ANKRD12: variants seen among roughly 807,000 people sequenced by gnomAD.
ANKRD12 encodes the protein ankyrin repeat domain 12, also known as ankyrin repeat domain-containing protein 12.
Under a neutral mutation model 183.4 loss-of-function variants are expected in ANKRD12, and 85 were observed. That is an observed-to-expected ratio of 0.46 (90% confidence interval 0.39 to 0.56). ANKRD12 has a LOEUF of 0.56. ANKRD12 is among the 20% of genes least tolerant of loss of function. ANKRD12 has a pLI of 0.00. For synonymous variants in ANKRD12, 914 were observed against 800.2 expected (o/e 1.14, Z -2.40); for missense variants, 2,405 against 2,357.1 (o/e 1.02, Z -0.42).
chr18:9,207,716 C>T (rs2144590646), intron 4 of ANKRD12, among the ~76,000 whole-genome samples: 1 of 151,898 alleles, frequency 6.6e-6, no homozygotes, highest in East Asian at 1.9e-4. Flanking sequence ...TTTATTTTTG[C>T]AGCTCCTCTT....
At position 9,256,945 on chromosome 18, in the gene ANKRD12, A is replaced by C; in HGVS notation, c.3678A>C (p.Pro1226=). The change falls in exon 9 of 13, where the codon CCA becomes CCC. Residue 1226 remains proline, a synonymous_variant. Transcript: ENST00000262126. ...CHTTVTTPRP[P]VEYDSDFMLE... ...CTACAGTGACAACCCCAAGGCCTCC[A>C]GTTGAGTATGACTCTGACTTTATGT... The C allele has an allele frequency of 1.2e-6, 2 of 1,614,118 alleles. No individual in the cohort carries two copies. The highest frequency in any genetic ancestry group is 1.7e-6 in the Non-Finnish European group (2 of 1,180,000).
At chr18:9,153,198 T>C (rs1382631282) in intron 1 of ANKRD12, among the ~76,000 whole-genome samples, 1 of 152,250 alleles carries the variant, frequency 6.6e-6, no homozygotes, top group African/African-American at 2.4e-5. Context: ...GGTATTTACA[T>C]GTCCTTCTAA....
chr18:9,199,319 T>G lies in ANKRD12; in HGVS notation c.235+3621T>G, dbSNP rs376503198. On this transcript the variant is annotated intron_variant, in intron 3 of 12. Transcript: ENST00000262126. ...GATCATGATATTGGAAGTAAAAAAT[T>G]AGATTATGAAACAGTATGTGCTATT... Among the ~76,000 whole-genome samples, 22 of 152,254 alleles carry G rather than the reference T, an allele frequency of 1.4e-4. No homozygotes were observed. The South Asian group carries it at 3.9e-3, about 27-fold the overall frequency.
rs1341154645 is a variant in ANKRD12 at position 9,255,911 on chromosome 18, C to T, written c.2644C>T (p.His882Tyr). Residue 882 changes from histidine (H) to tyrosine (Y), a missense_variant, in exon 9 of 13, where the codon CAT (histidine) becomes TAT (tyrosine). His to Tyr is a moderately conservative substitution (Grantham distance 83). Transcript: ENST00000262126. ...KLYSHHTEKC[H>Y]KEGEKSKNTA... The stretch of plus-strand genomic sequence containing the variant: ...ATATTCGCATCACACAGAAAAATGC[C>T]ATAAAGAAGGTGAGAAGAGCAAAAA... The T allele has an allele frequency of 6.3e-7, 1 of 1,589,578 alleles. No individual in the cohort carries two copies. Among genetic ancestry groups the T allele is most frequent in the Non-Finnish European group, 8.5e-7 (1 of 1,172,778 alleles).
intron 8 of ANKRD12, among the ~76,000 whole-genome samples, chr18:9,231,724 C>G (rs2037060698): frequency 6.8e-6 from 1 of 147,764 alleles, no homozygotes; most frequent in Non-Finnish European, 1.5e-5. Context: ...ACTCGGGAGG[C>G]TGAGGCAGGA....
Position 9,154,618 on chromosome 18 carries a change from G to A in ANKRD12, c.-52+17653G>A, listed in dbSNP as rs149449035. ...TGTAGAAGATGGGGGTGTGTATAAGGTGGAGGTGGTGACAAGAATGTAAGC... is the reference window on the plus strand; with the variant it reads ...TGTAGAAGATGGGGGTGTGTATAAGATGGAGGTGGTGACAAGAATGTAAGC... On this transcript the variant is annotated intron_variant, in intron 1 of 12. Coordinates refer to ENST00000262126, the MANE Select transcript of ANKRD12 (RefSeq NM_015208.5). Among the ~76,000 whole-genome samples, 337 of 152,308 alleles carry A rather than the reference G, an allele frequency of 2.2e-3. 2 individuals carry two copies. In the Middle Eastern group the frequency reaches 0.024, roughly 11 times the overall value.
At chr18:9,260,161 C>G (rs1458202233) in intron 9 of ANKRD12, 1 of 152,134 alleles carries the variant, frequency 6.6e-6, no homozygotes, top group Non-Finnish European at 1.5e-5. Context: ...ATGGCTTTAT[C>G]CATTTGTTTC....
Position 9,221,985 on chromosome 18 carries a change from A to G in ANKRD12, c.929A>G (p.Asp310Gly). 3 of 1,613,922 alleles carry G rather than the reference A, an allele frequency of 1.9e-6. No individual in the cohort carries two copies. The highest frequency in any genetic ancestry group is 1.7e-5 in the Admixed American group (1 of 60,012). The change falls in exon 8 of 13, where the codon GAT (aspartate) becomes GGT (glycine). Residue 310 changes from aspartate (D) to glycine (G), a missense_variant. Coordinates refer to ENST00000262126, the MANE Select transcript of ANKRD12 (RefSeq NM_015208.5). ...AGAGAGGTGCCTTTATCTGATGATG[A>G]TGAAAGTTACACAGGTTTGTTTCAG... ...LKREVPLSDD[D>G]ESYTDSEEAQ...
chr18:9,196,343 A>G (rs1159339421), intron 3 of ANKRD12, among the ~76,000 whole-genome samples: 1 of 152,058 alleles, frequency 6.6e-6, no homozygotes, highest in Non-Finnish European at 1.5e-5. Flanking sequence ...GATTCTTTTT[A>G]TTGCTATCTA....
At chr18:9,268,696 C>T (rs547272816) in intron 10 of ANKRD12, among the ~76,000 whole-genome samples, 44 of 152,304 alleles carry the variant, frequency 2.9e-4, no homozygotes, top group Admixed American at 7.2e-4. Context: ...GAAGCATTCC[C>T]TTTGAAAACT....
At chr18:9,231,224 G>A (rs1198560959) in intron 8 of ANKRD12, among the ~76,000 whole-genome samples, 1 of 152,084 alleles carries the variant, frequency 6.6e-6, no homozygotes, top group Non-Finnish European at 1.5e-5. Flanking sequence ...TGTGTATTCT[G>A]CAGTTGTTGG....
chr18:9,158,388 CCTT>C (rs1199680975), intron 1 of ANKRD12, among the ~76,000 whole-genome samples: 1 of 152,154 alleles, frequency 6.6e-6, no homozygotes, highest in African/African-American at 2.4e-5. Flanking sequence ...TATCATGTCT[CCTT>C]AGCCTTCTCT....
chr18:9,258,076 T>C lies in ANKRD12; in HGVS notation c.4809T>C (p.His1603=). The C allele has an allele frequency of 1.9e-6, 3 of 1,613,270 alleles. No individual in the cohort carries two copies. The highest frequency in any genetic ancestry group is 2.5e-6 in the Non-Finnish European group (3 of 1,179,938). Residue 1603 remains histidine, a synonymous_variant, in exon 9 of 13, where the codon CAT becomes CAC. Transcript: ENST00000262126. The stretch of plus-strand genomic sequence containing the variant: ...ATGCCTCTACCCAGCTAAATACACA[T>C]TATGCATTTAGCAAACTAACTTACA... ...GSDASTQLNT[H]YAFSKLTYKS...
intron 11 of ANKRD12, among the ~76,000 whole-genome samples, 161 bp downstream of exon 11, chr18:9,275,828 T>C (rs1478247962): frequency 6.6e-6 from 1 of 152,208 alleles, no homozygotes; most frequent in African/African-American, 2.4e-5. Context: ...GATCAACTGG[T>C]CCTCCATTTT....
In ANKRD12 at chr18:9,261,504, A is replaced by G. The variant is rs542189557; in HGVS notation, c.5665-2286A>G. On this transcript the variant is annotated intron_variant, in intron 9 of 12. Transcript: ENST00000262126. Reference sequence around the variant, plus strand: ...AATTGTAAGAGAAATTGTGGGCCCAATCTTCTGTGGAACATACTTTAAGAA... The same window carrying G: ...AATTGTAAGAGAAATTGTGGGCCCAGTCTTCTGTGGAACATACTTTAAGAA... Among the ~76,000 whole-genome samples the G allele has an allele frequency of 7.9e-5, 12 of 152,350 alleles. No individual in the cohort carries two copies. The South Asian group carries it at 1.4e-3, about 18-fold the overall frequency.
rs550517360 is a variant in ANKRD12 at position 9,281,465 on chromosome 18, T to G, written c.*339T>G. On this transcript the variant is annotated 3_prime_UTR_variant, in exon 13 of 13. Transcript: ENST00000262126. ...CTAAGTAATAAGATAACCACTAGTA[T>G]TCAAATCTCTTTCAGGTTTTATTAA... 6.1e-6 allele frequency: 1 copy of G among 163,856 alleles called. No individual in the cohort carries two copies. Among genetic ancestry groups the G allele is most frequent in the African/African-American group, 2.4e-5 (1 of 42,042 alleles). The allele number at this position is 163,856 out of a possible 1,614,324, so 10.2% of individuals were successfully genotyped here.
chr18:9,272,999 A>G (rs1436553819), intron 10 of ANKRD12, among the ~76,000 whole-genome samples: 1 of 152,152 alleles, frequency 6.6e-6, no homozygotes. Flanking sequence ...GACTAGGCAC[A>G]TTCTTTGTAT....
At chr18:9,237,361 A>G (rs1175968279) in intron 8 of ANKRD12, among the ~76,000 whole-genome samples, 4 of 152,226 alleles carry the variant, frequency 2.6e-5, no homozygotes, top group African/African-American at 9.6e-5. Context: ...CATTCTGTCC[A>G]CTTGTGTGTA....
At chr18:9,177,974 T>C (rs7506347) in intron 1 of ANKRD12, among the ~76,000 whole-genome samples, 30,218 of 152,212 alleles carry the variant, frequency 0.2, 3,762 homozygotes, top group South Asian at 0.46. Flanking sequence ...ATAAGAGTTA[T>C]TTATATGTTC....
Sources: gnomAD v4.1 joint callset for allele counts (sites outside exome capture counted in the v4.1 genomes callset) on GRCh38, gnomAD v4.1.1 for gene constraint, MANE v1.5 for transcripts, NCBI Gene and HGNC (gene_info 2026-07-23, HGNC 2026-07-21) for gene names.